The following NTRK3 variants were observed in gnomAD, a reference collection of about 807,000 sequenced individuals.
NTRK3 encodes neurotrophic receptor tyrosine kinase 3.
Under a neutral mutation model 91.7 loss-of-function variants are expected in NTRK3, and 24 were observed. The ratio of observed to expected loss-of-function variants is 0.26; its 90% CI spans 0.19 to 0.37. The LOEUF (loss-of-function observed/expected upper bound fraction) is 0.37. NTRK3 is among the 10% of genes least tolerant of loss of function. The pLI is 1.00. For synonymous variants in NTRK3, 483 were observed against 404.0 expected (o/e 1.20, Z -2.34); for missense variants, 880 against 1,068.9 (o/e 0.82, Z 2.46).
exon 19 of NTRK3, chr15:87,865,008 C>G (rs3743163): frequency 4.7e-6 from 1 of 212,992 alleles, no homozygotes; most frequent in African/African-American, 2.3e-5. Flanking sequence ...CTTTTCTACA[C>G]AAGAAAAACA....
chr15:88,064,430 C>T (rs1403648696), intron 13 of NTRK3, among the ~76,000 whole-genome samples: 2 of 152,210 alleles, frequency 1.3e-5, no homozygotes, highest in African/African-American at 2.4e-5. Context: ...ACATCGACAA[C>T]CTCCACATTC....
chr15:88,250,692 A>C (rs939937946), intron 3 of NTRK3, among the ~76,000 whole-genome samples: 13 of 152,054 alleles, frequency 8.5e-5, no homozygotes, highest in Non-Finnish European at 1.5e-4. Context: ...CTTCAGGACC[A>C]CCTCTTCTGT....
chr15:87,862,702 G>A (rs2064559770), exon 19 of NTRK3: 1 of 229,390 alleles, frequency 4.4e-6, no homozygotes, highest in Admixed American at 5.7e-5. Flanking sequence ...TGCTACCCTT[G>A]TTTTCTCAGT....
intron 14 of NTRK3, among the ~76,000 whole-genome samples, chr15:87,983,731 A>G (rs1318754076): frequency 6.6e-6 from 1 of 152,184 alleles, no homozygotes. Flanking sequence ...TCATTTGTGG[A>G]AAACCAATAT....
intron 13 of NTRK3, among the ~76,000 whole-genome samples, chr15:88,119,538 A>G (rs1434073552): frequency 6.6e-6 from 1 of 152,240 alleles, no homozygotes; most frequent in African/African-American, 2.4e-5. Flanking sequence ...CCCTGGGATC[A>G]CAACACAGGA....
intron 6 of NTRK3, among the ~76,000 whole-genome samples, chr15:88,140,326 C>T (rs1447795288): frequency 6.6e-6 from 1 of 152,204 alleles, no homozygotes; most frequent in Admixed American, 6.5e-5. Flanking sequence ...TCTCAAAGTA[C>T]TCAACCAAAG....
chr15:88,093,495 C>G (rs78076413), intron 13 of NTRK3, among the ~76,000 whole-genome samples: 3 of 152,138 alleles, frequency 2.0e-5, no homozygotes, highest in African/African-American at 7.2e-5. Context: ...AGTTTCTCTC[C>G]TTAACAGATG....
At chr15:88,004,098 T>TA (rs752544556) in intron 14 of NTRK3, among the ~76,000 whole-genome samples, 9 of 152,266 alleles carry the variant, frequency 5.9e-5, no homozygotes, top group African/African-American at 1.2e-4. Context: ...GGCTTTCCCT[T>TA]ACCTCTCTTG....
chr15:88,131,122 G>C (rs2041293590), intron 10 of NTRK3, among the ~76,000 whole-genome samples: 1 of 152,240 alleles, frequency 6.6e-6, no homozygotes, highest in South Asian at 2.1e-4. Flanking sequence ...GACCTGGGGT[G>C]GGTATCAAGA....
intron 3 of NTRK3, among the ~76,000 whole-genome samples, chr15:88,250,838 A>T (rs1167908256): frequency 1.3e-5 from 2 of 152,254 alleles, no homozygotes; most frequent in African/African-American, 4.8e-5. Flanking sequence ...TTATTACTTT[A>T]TATGTTTATA....
intron 3 of NTRK3, among the ~76,000 whole-genome samples, chr15:88,249,663 T>C (rs1598177310): frequency 6.6e-6 from 1 of 152,242 alleles, no homozygotes; most frequent in East Asian, 1.9e-4. Context: ...CCTTGGGGGT[T>C]CTCAGGACTC....
intron 15 of NTRK3, among the ~76,000 whole-genome samples, chr15:87,938,489 C>T (rs897498555): frequency 2.6e-5 from 4 of 152,178 alleles, no homozygotes; most frequent in Admixed American, 1.3e-4. Flanking sequence ...GGCAGATCCA[C>T]TGAGTGACAC....
At chr15:88,031,071 G>A (rs2078490904) in intron 14 of NTRK3, among the ~76,000 whole-genome samples, 1 of 152,174 alleles carries the variant, frequency 6.6e-6, no homozygotes, top group Non-Finnish European at 1.5e-5. Flanking sequence ...GAGTGACAGT[G>A]GCCATGGCCA....
rs143265743 is a variant in NTRK3 at position 88,173,250 on chromosome 15, C to T, written c.395+10168G>A. ...TAGGAGGTGTCAGATGTTGAAGTTG[C>T]GCACATAGGCACAAAATTTTGGGAT... On this transcript the variant is annotated intron_variant, in intron 5 of 18. Transcript: ENST00000394480. Among the ~76,000 whole-genome samples the T allele has an allele frequency of 4.2e-4, 64 of 152,266 alleles. No homozygotes were observed. In the East Asian group the frequency reaches 6.0e-3, roughly 14 times the overall value.
intron 17 of NTRK3, among the ~76,000 whole-genome samples, chr15:87,884,358 C>T (rs10162833): frequency 0.7 from 105,981 of 151,346 alleles, 37,165 homozygotes; most frequent in Non-Finnish European, 0.73. Flanking sequence ...CATTAAAAAA[C>T]TAGAAGGTTC....
chr15:88,191,157 G>A (rs1018117335), intron 3 of NTRK3, among the ~76,000 whole-genome samples: 6 of 137,356 alleles, frequency 4.4e-5, no homozygotes, highest in African/African-American at 1.2e-4. Context: ...TGAAGCTGAT[G>A]TTTCCCGTGT....
chr15:88,197,990 A>T (rs1355795650), intron 3 of NTRK3, among the ~76,000 whole-genome samples: 1 of 152,232 alleles, frequency 6.6e-6, no homozygotes. Context: ...TAAAATAGAG[A>T]TAATGATGCT....
At chr15:88,087,022 C>G (rs1406227535) in intron 13 of NTRK3, among the ~76,000 whole-genome samples, 1 of 152,252 alleles carries the variant, frequency 6.6e-6, no homozygotes, top group Non-Finnish European at 1.5e-5. Context: ...GGGTGCATCA[C>G]TGCATTGGGT....
rs143358905 is a variant in NTRK3, at chr15:88,037,219, G to T, written c.1397-4174C>A. ...ATTAGAAGGGGAGCAAGGAAAAAGA[G>T]AACTGCCAGAGATGTGAAAGGAAAC... is the stretch of plus-strand genomic sequence containing the variant. On this transcript the variant is annotated intron_variant, in intron 13 of 18. Coordinates refer to ENST00000394480, the Ensembl canonical transcript of NTRK3. 3.5e-3 allele frequency among the ~76,000 whole-genome samples: 535 copies of T among 152,276 alleles called. 2 individuals carry two copies. Among genetic ancestry groups the T allele is most frequent in the Non-Finnish European group, 1.8e-3 (124 of 68,024 alleles).
Sources: gnomAD v4.1 joint callset for allele counts (sites outside exome capture counted in the v4.1 genomes callset) on GRCh38, gnomAD v4.1.1 for gene constraint, MANE v1.5 for transcripts, NCBI Gene and HGNC (gene_info 2026-07-23, HGNC 2026-07-21) for gene names.